Variants in ABCC9 observed in about 807,000 individuals in gnomAD.
ABCC9 encodes ATP-binding cassette sub-family C member 9.
Under a neutral mutation model 188.3 loss-of-function variants are expected in ABCC9, and 95 were observed. The ratio of observed to expected loss-of-function variants is 0.50; its 90% CI spans 0.43 to 0.60. The LOEUF (loss-of-function observed/expected upper bound fraction) is 0.60, where lower values mean the gene tolerates loss of function less well. ABCC9 is among the 20% of genes least tolerant of loss of function. ABCC9 has a pLI of 0.00. For synonymous variants in ABCC9, 659 were observed against 652.7 expected (o/e 1.01, Z -0.15); for missense variants, 1,102 against 1,876.3 (o/e 0.59, Z 7.62).
chr12:21,930,648 A>C (rs938648674), intron 4 of ABCC9, among the ~76,000 whole-genome samples: 4 of 152,210 alleles, frequency 2.6e-5, no homozygotes, highest in Non-Finnish European at 4.4e-5. Flanking sequence ...AATATGTGCA[A>C]ACGTGCACAG....
intron 13 of ABCC9, 38 bp downstream of exon 13, chr12:21,895,237 C>G: frequency 6.4e-7 from 1 of 1,572,684 alleles, no homozygotes; most frequent in Non-Finnish European, 8.8e-7. Flanking sequence ...TAAACACTGA[C>G]TTGGTTTCAT....
intron 12 of ABCC9, among the ~76,000 whole-genome samples, chr12:21,900,996 T>A (rs1284913492): frequency 2.0e-5 from 3 of 151,878 alleles, no homozygotes; most frequent in Admixed American, 6.6e-5. Flanking sequence ...CCAAGACACA[T>A]AATTGTCAGA....
chr12:21,817,399 C>T (rs1292308907), intron 32 of ABCC9, 92 bp from the exon 33 acceptor site: 2 of 1,243,434 alleles, frequency 1.6e-6, no homozygotes, highest in East Asian at 5.0e-5. Flanking sequence ...ATAACTTGGA[C>T]CATTAGTGTA....
intron 14 of ABCC9, among the ~76,000 whole-genome samples, chr12:21,892,403 A>G (rs960289330): frequency 4.6e-5 from 7 of 152,210 alleles, no homozygotes; most frequent in African/African-American, 1.4e-4. Context: ...AAGTGTAACC[A>G]TGAAAGGGAC....
At chr12:21,895,799 C>T (rs1432171490) in intron 12 of ABCC9, among the ~76,000 whole-genome samples, 2 of 152,146 alleles carry the variant, frequency 1.3e-5, no homozygotes, top group Non-Finnish European at 2.9e-5. Context: ...AATAAAATAA[C>T]TCCATATCCT....
chr12:21,814,186 C>T (rs1313961282), intron 35 of ABCC9, among the ~76,000 whole-genome samples: 2 of 152,160 alleles, frequency 1.3e-5, no homozygotes, highest in African/African-American at 4.8e-5. Context: ...CGTTCAATGT[C>T]ATTAAGCAAT....
intron 30 of ABCC9, 36 bp from the exon 31 acceptor site, chr12:21,829,096 C>G (rs1268597462): frequency 6.9e-7 from 1 of 1,442,594 alleles, no homozygotes; most frequent in African/African-American, 1.4e-5. Flanking sequence ...AACCACACAA[C>G]AGGAGAGGTA....
intron 37 of ABCC9, 139 bp downstream of exon 37, chr12:21,809,713 T>G (rs1427302961): frequency 6.3e-6 from 4 of 637,264 alleles, no homozygotes; most frequent in Non-Finnish European, 8.1e-6. Context: ...TTTGAAATAT[T>G]CTAATGACTT....
At chr12:21,840,294 A>G (rs1366053741) in intron 29 of ABCC9, among the ~76,000 whole-genome samples, 2 of 152,220 alleles carry the variant, frequency 1.3e-5, no homozygotes, top group African/African-American at 4.8e-5. Context: ...GAACCTCAAC[A>G]TCTAGAAGGA....
chr12:21,807,468 T>C lies in ABCC9; in HGVS notation c.4327A>G (p.Thr1443Ala). 1 of 1,613,832 alleles carries C rather than the reference T, an allele frequency of 6.2e-7. No individual in the cohort carries two copies. Among genetic ancestry groups the C allele is most frequent in the Non-Finnish European group, 8.5e-7 (1 of 1,179,766 alleles). ...ACGCTAAAATTCTCCCCACCTTCAG[T>C]GACAACCGCATCTAAATCAGAGAAA... ...SLPGGLDAVV[T>A]EGGENFSVGQ... Residue 1443 changes from threonine (T) to alanine (A), a missense_variant, in exon 38 of 40, where the codon ACT becomes GCT. By Grantham distance (58) the Thr-to-Ala change is moderately conservative (BLOSUM62 0). Around this residue, in one of 12 missense-constraint regions of ABCC9, gnomAD observed 67 missense variants for 101.0 expected, o/e 0.66. Coordinates refer to ENST00000261200, the MANE Select transcript of ABCC9 (RefSeq NM_020297.4).
chr12:21,920,184 G>T (rs1368384142), intron 5 of ABCC9, among the ~76,000 whole-genome samples: 2 of 152,100 alleles, frequency 1.3e-5, no homozygotes, highest in South Asian at 2.1e-4. Context: ...AGGAACCAGA[G>T]AGGATTTCAG....
At chr12:21,902,949 C>T (rs1369336011) in intron 12 of ABCC9, among the ~76,000 whole-genome samples, 1 of 152,190 alleles carries the variant, frequency 6.6e-6, no homozygotes, top group Non-Finnish European at 1.5e-5. Flanking sequence ...ATGAGGCCAG[C>T]ATCATCCTGA....
At chr12:21,936,723 A>G (rs1452762305) in intron 2 of ABCC9, 29 bp from the exon 3 acceptor site, 1 of 1,517,064 alleles carries the variant, frequency 6.6e-7, no homozygotes, top group African/African-American at 1.4e-5. Context: ...AGAAAGAAAA[A>G]TCCTCTTATT....
chr12:21,856,397 T>C lies in ABCC9; in HGVS notation c.2505+3189A>G, dbSNP rs112829198. Among the ~76,000 whole-genome samples the C allele has an allele frequency of 7.9e-3, 1,205 of 152,312 alleles. 27 individuals are homozygous for C. The highest frequency in any genetic ancestry group is 0.028 in the African/African-American group (1,157 of 41,572). ...GTCTTCATTAATATATTCTCTTATATATTCAATAAATGTGCTTAAATAGTA... is the reference window on the plus strand; with the variant it reads ...GTCTTCATTAATATATTCTCTTATACATTCAATAAATGTGCTTAAATAGTA... On this transcript the variant is annotated intron_variant, in intron 22 of 39. Coordinates refer to ENST00000261200, the MANE Select transcript of ABCC9 (RefSeq NM_020297.4).
chr12:21,805,240 A>G, intron 39 of ABCC9: 1 of 1,614,080 alleles, frequency 6.2e-7, no homozygotes, highest in South Asian at 1.1e-5. Context: ...TTGGGACAGT[A>G]TCACACTCCA....
At chr12:21,905,565 T>C (rs1447839325) in intron 12 of ABCC9, among the ~76,000 whole-genome samples, 1 of 152,058 alleles carries the variant, frequency 6.6e-6, no homozygotes, top group African/African-American at 2.4e-5. Context: ...CCTAGATTGA[T>C]GCAAAATAAT....
intron 18 of ABCC9, 120 bp downstream of exon 18, chr12:21,872,505 G>A (rs1288320087): frequency 2.6e-6 from 2 of 774,440 alleles, no homozygotes; most frequent in African/African-American, 3.5e-5. Flanking sequence ...TTTTAAAGCT[G>A]TGCTTATTTC....
intron 19 of ABCC9, among the ~76,000 whole-genome samples, chr12:21,864,143 A>G (rs560352574): frequency 7.2e-5 from 11 of 152,116 alleles, no homozygotes; most frequent in Non-Finnish European, 1.3e-4. Flanking sequence ...TAATTCTTAC[A>G]TTTTTATTTT....
At chr12:21,845,051 A>G in intron 26 of ABCC9, 136 bp from the exon 27 acceptor site, 1 of 1,121,682 alleles carries the variant, frequency 8.9e-7, no homozygotes, top group Non-Finnish European at 1.3e-6. Context: ...GAAGGAATGC[A>G]ATTTTTTGAG....
Sources: gnomAD v4.1 joint callset for allele counts (sites outside exome capture counted in the v4.1 genomes callset) on GRCh38, gnomAD v4.1.1 for gene constraint, gnomAD v4.1.1 regional missense constraint, MANE v1.5 for transcripts, NCBI Gene and HGNC (gene_info 2026-07-23, HGNC 2026-07-21) for gene names.